Variants in PXDN observed in about 807,000 individuals in gnomAD.
PXDN encodes the protein peroxidasin.
In PXDN, 77 loss-of-function variants were observed where a neutral mutation model predicts 140.3. The observed-to-expected ratio is 0.55, with a 90% confidence interval of 0.46 to 0.66. PXDN has a LOEUF of 0.66. Among genes scored for constraint, PXDN ranks in the 30% least tolerant of loss-of-function variants. The pLI, the probability that PXDN is intolerant of heterozygous loss-of-function variation, is 0.00. For missense variants in PXDN, 1,838 were observed against 2,039.5 expected, an observed-to-expected ratio of 0.90 and a Z score of 1.90; for synonymous variants, 911 against 857.4, an observed-to-expected ratio of 1.06 and a Z score of -1.09.
chr2:1,694,722 C>A (rs1684262889), intron 1 of PXDN, among the ~76,000 whole-genome samples: 1 of 152,200 alleles, frequency 6.6e-6, no homozygotes, highest in Non-Finnish European at 1.5e-5. Context: ...CACGTAGGAG[C>A]TGCTGAAAGT....
chr2:1,720,719 C>CTGCA (rs1685028451), intron 1 of PXDN, among the ~76,000 whole-genome samples: 2 of 22,694 alleles, frequency 8.8e-5, no homozygotes, highest in African/African-American at 1.8e-4. Flanking sequence ...CTCTCTCTCT[C>CTGCA]TCTCTCACAC....
intron 1 of PXDN, among the ~76,000 whole-genome samples, chr2:1,737,692 C>A (rs1190080240): frequency 6.6e-6 from 1 of 152,022 alleles, no homozygotes; most frequent in African/African-American, 2.4e-5. Context: ...GCGTGAGCCA[C>A]CACGCCCGGC....
intron 1 of PXDN, among the ~76,000 whole-genome samples, chr2:1,743,379 C>T (rs1017540102): frequency 1.3e-5 from 2 of 152,208 alleles, no homozygotes; most frequent in Non-Finnish European, 2.9e-5. Context: ...CGGGCTGCCC[C>T]GAGACTACCG....
chr2:1,634,370 T>C (rs772411557), intron 22 of PXDN, 47 bp from the exon 23 acceptor site: 8 of 1,532,752 alleles, frequency 5.2e-6, no homozygotes, highest in Non-Finnish European at 7.0e-6. Context: ...GGGATGGCCT[T>C]CAGGTGAGCA....
At chr2:1,643,265 G>A in intron 19 of PXDN, 103 bp downstream of exon 19, 1 of 1,221,196 alleles carries the variant, frequency 8.2e-7, no homozygotes, top group Non-Finnish European at 1.2e-6. Context: ...TTTGTTTTCA[G>A]TTTTCAAGAT....
chr2:1,650,096 G>A (rs969243806), intron 16 of PXDN, among the ~76,000 whole-genome samples: 4 of 152,122 alleles, frequency 2.6e-5, no homozygotes, highest in Non-Finnish European at 5.9e-5. Context: ...GCACACCATC[G>A]GTCTCCACAG....
chr2:1,736,346 T>C (rs1052577962), intron 1 of PXDN, among the ~76,000 whole-genome samples: 1 of 152,210 alleles, frequency 6.6e-6, no homozygotes, highest in Non-Finnish European at 1.5e-5. Flanking sequence ...TGTAGGGTTA[T>C]CAACTGGCCT....
chr2:1,700,911 T>TA lies in PXDN; in HGVS notation c.201-7778dup, dbSNP rs199709046. Among the ~76,000 whole-genome samples the TA allele has an allele frequency of 3.3e-3, 503 of 152,184 alleles. 2 individuals are homozygous for TA. The highest frequency in any genetic ancestry group is 0.012 in the African/African-American group (482 of 41,548). ...AAAATCAATATAACCCAAAGGCTCT[T>TA]AGACTGTGCTGCTTCAGAGAGGCAA... On this transcript the variant is annotated intron_variant, in intron 1 of 22. Transcript: ENST00000252804.
chr2:1,730,814 G>A (rs911087672), intron 1 of PXDN, among the ~76,000 whole-genome samples: 2 of 152,090 alleles, frequency 1.3e-5, no homozygotes. Flanking sequence ...TAGATTACAA[G>A]CAATCCGGCT....
At chr2:1,693,218 G>A (rs1684223629) in intron 1 of PXDN, 84 bp from the exon 2 acceptor site, 1 of 1,122,404 alleles carries the variant, frequency 8.9e-7, no homozygotes. Flanking sequence ...GTTTCAAAAT[G>A]GTGACAATGC....
rs1207313627 is a variant in PXDN, at chr2:1,651,694, C to T, written c.2104+1934G>A. On this transcript the variant is annotated intron_variant, in intron 16 of 22. Transcript: ENST00000252804. The surrounding 1 kb of genome is among the most constrained non-coding windows in gnomAD (Gnocchi z 4.4). ...GATGCTCCAGGGAGGCCCCCTCGCC[C>T]TTGTGGGGTCCCTGCTCACGTGTCA... Among the ~76,000 whole-genome samples, 1 of 152,180 alleles carries T rather than the reference C, an allele frequency of 6.6e-6. No individual in the cohort carries two copies. Among genetic ancestry groups the T allele is most frequent in the Non-Finnish European group, 1.5e-5 (1 of 68,032 alleles).
At chr2:1,675,738 C>T (rs1418254272) in intron 8 of PXDN, among the ~76,000 whole-genome samples, 1 of 148,848 alleles carries the variant, frequency 6.7e-6, no homozygotes, top group Non-Finnish European at 1.5e-5. Context: ...CAAGCCCAGC[C>T]CGGTTTGCCT....
intron 1 of PXDN, among the ~76,000 whole-genome samples, chr2:1,718,621 T>A (rs1684946393): frequency 6.6e-6 from 1 of 152,230 alleles, no homozygotes; most frequent in Admixed American, 6.5e-5. Flanking sequence ...TCTTTTAACC[T>A]ACTCCACTAA....
intron 8 of PXDN, among the ~76,000 whole-genome samples, chr2:1,674,738 G>A (rs956216974): frequency 6.6e-6 from 1 of 152,180 alleles, no homozygotes; most frequent in African/African-American, 2.4e-5. Flanking sequence ...AGAACAGCCA[G>A]GCACGGAGCC....
In PXDN at chr2:1,649,408, G is replaced by C; in HGVS notation, c.2372C>G (p.Ala791Gly). 6.2e-7 allele frequency: 1 copy of C among 1,613,984 alleles called. No homozygotes were observed. Among genetic ancestry groups the C allele is most frequent in the South Asian group, 1.1e-5 (1 of 91,082 alleles). The change falls in exon 17 of 23, where the codon GCC (alanine) becomes GGC (glycine). Residue 791 changes from alanine (A) to glycine (G), a missense_variant. Physicochemically the swap from Ala to Gly is moderately conservative, Grantham distance 60. Coordinates refer to ENST00000252804, the MANE Select transcript of PXDN (RefSeq NM_012293.3). This position sits in a 1 kb window ranked among gnomAD's most constrained non-coding sequence, Gnocchi z 7.1. The stretch of plus-strand genomic sequence containing the variant: ...GGACACCAGGCGCGGCATGGGAAGG[G>C]CGTGCCCGTTGTACAGTCGGTGGGG... ...INPHRLYNGH[A>G]LPMPRLVSTT...
At chr2:1,742,499 C>T (rs551564087) in intron 1 of PXDN, among the ~76,000 whole-genome samples, 1 of 152,310 alleles carries the variant, frequency 6.6e-6, no homozygotes, top group African/African-American at 2.4e-5. Flanking sequence ...CCATGCAAAG[C>T]GGAGCAGAGG....
At chr2:1,681,968 C>G (rs1683918395) in intron 6 of PXDN, among the ~76,000 whole-genome samples, 4 of 152,208 alleles carry the variant, frequency 2.6e-5, no homozygotes, top group Admixed American at 2.6e-4. Context: ...CCGCCTGGGG[C>G]CCCTCAGGGA....
rs757876319 is a variant in PXDN at position 1,649,254 on chromosome 2, G to A, written c.2526C>T (p.Ser842=). The A allele has an allele frequency of 7.4e-6, 12 of 1,613,038 alleles. No homozygotes were observed. The highest frequency in any genetic ancestry group is 7.6e-6 in the Non-Finnish European group (9 of 1,179,734). ...TVVALSQARF[S]DGQHCSNVCS... ...ACACGTTGCTGCAGTGCTGTCCGTC[G>A]GAGAAGCGTGCCTGGCTCAGGGCCA... is the stretch of plus-strand genomic sequence containing the variant. The change falls in exon 17 of 23, where the codon TCC becomes TCT. Residue 842 remains serine, a synonymous_variant. Coordinates refer to ENST00000252804, the MANE Select transcript of PXDN (RefSeq NM_012293.3). The surrounding 1 kb of genome is among the most constrained non-coding windows in gnomAD (Gnocchi z 7.1).
At chr2:1,665,179 A>C in intron 10 of PXDN, 105 bp from the exon 11 acceptor site, 1 of 816,084 alleles carries the variant, frequency 1.2e-6, no homozygotes, top group Non-Finnish European at 2.0e-6. Flanking sequence ...GACCATTAGG[A>C]GCAATGTCTA....
Sources: gnomAD v4.1 joint callset for allele counts (sites outside exome capture counted in the v4.1 genomes callset) on GRCh38, gnomAD v4.1.1 for gene constraint, Gnocchi (gnomAD v3.1) non-coding constraint, MANE v1.5 for transcripts, NCBI Gene and HGNC (gene_info 2026-07-23, HGNC 2026-07-21) for gene names.